PABIR3: variants seen among roughly 807,000 people sequenced by gnomAD.
PABIR3 encodes PABIR family member 1.
In PABIR3, 20 loss-of-function variants were observed where a neutral mutation model predicts 23.1. The observed-to-expected ratio is 0.86, with a 90% CI of 0.61 to 1.26. The LOEUF (loss-of-function observed/expected upper bound fraction) is 1.26. Ranked by LOEUF, PABIR3 falls within the 50% of genes most tolerant of loss-of-function variation. The pLI, the probability that PABIR3 is intolerant of heterozygous loss-of-function variation, is 0.00. For missense variants in PABIR3, 189 were observed against 195.4 expected, an observed-to-expected ratio of 0.97 and a Z score of 0.20; for synonymous variants, 69 against 68.5, an observed-to-expected ratio of 1.01 and a Z score of -0.04.
chrX:134,864,765 A>G, the PABIR3 span, among the ~76,000 whole-genome samples: 8 of 112,306 alleles, frequency 7.1e-5, no homozygotes, highest in Non-Finnish European at 1.3e-4. Context: ...TAAAGCTGCT[A>G]TCAACATTTG....
intron 3 of PABIR3, among the ~76,000 whole-genome samples, chrX:134,827,359 A>T (rs2081552980): frequency 1.8e-5 from 2 of 110,575 alleles, no homozygotes; most frequent in African/African-American, 6.6e-5. Flanking sequence ...ATTGGTTTCT[A>T]CTGGGAACCT....
At chrX:134,835,523 CTGT>C (rs1449009624) in intron 4 of PABIR3, 1 of 112,211 alleles carries the variant, frequency 8.9e-6, no homozygotes, top group Non-Finnish European at 1.9e-5. Flanking sequence ...TTCTTCTCAA[CTGT>C]TGTTGTTAGC....
intron 3 of PABIR3, among the ~76,000 whole-genome samples, chrX:134,823,497 GGTGT>G (rs1328377294): frequency 3.6e-5 from 4 of 110,901 alleles, no homozygotes; most frequent in Non-Finnish European, 7.6e-5. Flanking sequence ...CCTCTTCAAA[GGTGT>G]GTGTGTGTAT....
At chrX:134,814,435 C>T (rs1299507122) in intron 2 of PABIR3, among the ~76,000 whole-genome samples, 3 of 111,785 alleles carry the variant, frequency 2.7e-5, no homozygotes, top group Non-Finnish European at 5.6e-5. Flanking sequence ...TGGTGGATCA[C>T]GCCTGTAATC....
In PABIR3 at chrX:134,818,216, C is replaced by T. The variant is rs147271114; in HGVS notation, c.189+3367C>T. ...CTTGGACCTGTAAACTAGTGATGTT[C>T]GATGTACTAGTTTGAAGCTCAGGAG... On this transcript the variant is annotated intron_variant, in intron 3 of 10. Transcript: ENST00000645433. Among the ~76,000 whole-genome samples, 821 of 111,469 alleles carry T rather than the reference C, an allele frequency of 7.4e-3. 13 individuals carry two copies. Among genetic ancestry groups the T allele is most frequent in the African/African-American group, 0.025 (763 of 30,656 alleles).
chrX:134,814,935 G>C (rs1366260308), intron 3 of PABIR3, 86 bp downstream of exon 3: 3 of 731,755 alleles, frequency 4.1e-6, no homozygotes, highest in Non-Finnish European at 5.9e-6. Context: ...AGCATTCACA[G>C]GGAGGGCTTA....
upstream of PABIR3, among the ~76,000 whole-genome samples, chrX:134,803,648 A>C (rs759133635): frequency 8.9e-6 from 1 of 112,045 alleles, no homozygotes; most frequent in African/African-American, 3.2e-5. Flanking sequence ...TAGAAACAAC[A>C]ACCTCTGTTT....
In PABIR3 at chrX:134,849,110, CATT is replaced by C. The variant is rs1195027864; in HGVS notation, c.528-56_528-54del. 4.4e-5 allele frequency: 24 copies of C among 550,056 alleles called. No individual in the cohort carries two copies. In the South Asian group the frequency reaches 7.0e-4, roughly 16 times the overall value. The allele number at this position is 550,056 out of a possible 1,213,427, so 45.3% of individuals were successfully genotyped here. A position where few individuals can be genotyped will look rare whatever the true frequency, so the allele number is the denominator to read the frequency against. ...CTTAGATCTGTTATAATGAAATAGTCATTGTTGATTTTGTTAAAAAAAATTTCT... is the reference window on the plus strand; with the variant it reads ...CTTAGATCTGTTATAATGAAATAGTCGTTGATTTTGTTAAAAAAAATTTCT... On this transcript the variant is annotated intron_variant, in intron 8 of 10. Coordinates refer to ENST00000645433, the MANE Select transcript of PABIR3 (RefSeq NM_001388447.1).
At chrX:134,816,956 C>A (rs2081017108) in intron 3 of PABIR3, among the ~76,000 whole-genome samples, 2 of 111,401 alleles carry the variant, frequency 1.8e-5, no homozygotes, top group African/African-American at 6.5e-5. Flanking sequence ...GGGAGGATCA[C>A]CTGAGGTCAG....
chrX:134,813,077 G>T (rs951994945), intron 2 of PABIR3, among the ~76,000 whole-genome samples: 2 of 111,936 alleles, frequency 1.8e-5, no homozygotes, highest in African/African-American at 6.5e-5. Flanking sequence ...CAAATGAAAT[G>T]ATGGTATTGG....
chrX:134,841,584 C>G (rs906841900), intron 4 of PABIR3, among the ~76,000 whole-genome samples: 5 of 111,545 alleles, frequency 4.5e-5, no homozygotes, highest in African/African-American at 1.6e-4. Flanking sequence ...AATCCCAGCA[C>G]TTTGGGAAGC....
At chrX:134,824,669 G>A (rs774885910) in intron 3 of PABIR3, among the ~76,000 whole-genome samples, 10 of 110,763 alleles carry the variant, frequency 9.0e-5, no homozygotes, top group East Asian at 5.7e-4. Flanking sequence ...GCGTGGTGGC[G>A]CACGCCTGTA....
intron 4 of PABIR3, among the ~76,000 whole-genome samples, chrX:134,837,650 T>C (rs983892896): frequency 3.6e-5 from 4 of 112,305 alleles, no homozygotes; most frequent in Admixed American, 9.5e-5. Context: ...AATAATCTTA[T>C]TTTATTATAA....
chrX:134,819,644 G>A (rs772186639), intron 3 of PABIR3, among the ~76,000 whole-genome samples: 1 of 111,371 alleles, frequency 9.0e-6, no homozygotes, highest in East Asian at 2.8e-4. Context: ...CAGCACTTTG[G>A]GAGGCCAAGG....
At chrX:134,805,286 G>T (rs1476551251), upstream of PABIR3, among the ~76,000 whole-genome samples, 1 of 111,753 alleles carries the variant, frequency 8.9e-6, no homozygotes, top group East Asian at 2.8e-4. Context: ...AACTTTAAAT[G>T]CAATCACCTA....
chrX:134,822,919 C>T (rs1161235971), intron 3 of PABIR3: 2 of 111,868 alleles, frequency 1.8e-5, no homozygotes, highest in African/African-American at 6.5e-5. Flanking sequence ...GGGCAGATCA[C>T]CTGAGGTCAG....
chrX:134,815,624 G>A (rs2080931043), intron 3 of PABIR3, among the ~76,000 whole-genome samples: 2 of 110,546 alleles, frequency 1.8e-5, no homozygotes, highest in African/African-American at 6.6e-5. Flanking sequence ...CCTTTATCAT[G>A]TTAAGGAAAT....
At chrX:134,833,664 C>T (rs1173842460) in intron 4 of PABIR3, among the ~76,000 whole-genome samples, 2 of 110,816 alleles carry the variant, frequency 1.8e-5, no homozygotes, top group Non-Finnish European at 3.8e-5. Flanking sequence ...GGTTCCCTCC[C>T]CTCACCACCC....
chrX:134,847,799 A>AT, intron 7 of PABIR3, 84 bp from the exon 8 acceptor site: 1 of 772,852 alleles, frequency 1.3e-6, no homozygotes, highest in East Asian at 3.5e-5. Flanking sequence ...CCTCCCTACC[A>AT]TCCCTGCCCC....
Sources: allele counts gnomAD v4.1 joint callset (sites outside exome capture counted in the v4.1 genomes callset), GRCh38; gene constraint gnomAD v4.1.1; transcripts MANE v1.5; gene names NCBI Gene and HGNC (gene_info 2026-07-23, HGNC 2026-07-21).